FAM98A: variants seen among roughly 807,000 people sequenced by gnomAD.
FAM98A encodes protein FAM98A.
Under a neutral mutation model 62.9 loss-of-function variants are expected in FAM98A, and 25 were observed. That is an observed-to-expected ratio of 0.40 (90% CI 0.29 to 0.56). The LOEUF is 0.56. Among genes scored for constraint, FAM98A ranks in the 20% least tolerant of loss-of-function variants. The pLI, the probability that FAM98A is intolerant of heterozygous loss-of-function variation, is 0.51. For synonymous variants in FAM98A, 252 were observed against 228.6 expected, an observed-to-expected ratio of 1.10 and a Z score of -0.92; for missense variants, 653 against 640.7, an observed-to-expected ratio of 1.02 and a Z score of -0.21.
intron 1 of FAM98A, among the ~76,000 whole-genome samples, chr2:33,598,052 T>C (rs1439030992): frequency 6.6e-6 from 1 of 152,160 alleles, no homozygotes; most frequent in Non-Finnish European, 1.5e-5. Flanking sequence ...TCAGAGCAAG[T>C]TTCCAAGAAA....
intron 1 of FAM98A, among the ~76,000 whole-genome samples, chr2:33,596,963 A>T (rs13030968): frequency 0.27 from 41,268 of 151,114 alleles, 7,640 homozygotes; most frequent in African/African-American, 0.53. Context: ...CAGTTCTCAA[A>T]CCCTTTAAAA....
intron 5 of FAM98A, among the ~76,000 whole-genome samples, 175 bp downstream of exon 5, chr2:33,587,065 C>G (rs761502538): frequency 1.5e-4 from 23 of 152,148 alleles, no homozygotes. Flanking sequence ...TAATCTTACA[C>G]AAATAAAAAT....
chr2:33,594,844 A>G (rs1013871613), intron 2 of FAM98A, among the ~76,000 whole-genome samples: 1 of 152,082 alleles, frequency 6.6e-6, no homozygotes, highest in African/African-American at 2.4e-5. Context: ...CTCCTATTAT[A>G]GGTTTACCTA....
chr2:33,592,843 C>T lies in FAM98A; in HGVS notation c.203-629G>A, dbSNP rs146347678. ...ATATTCAGCTATAATCACCTACATT[C>T]CCTCCACAAATATTTCCTGTGTGTG... is the stretch of plus-strand genomic sequence containing the variant. On this transcript the variant is annotated intron_variant, in intron 2 of 7. Coordinates refer to ENST00000238823, the MANE Select transcript of FAM98A (RefSeq NM_015475.5). 2.7e-3 allele frequency among the ~76,000 whole-genome samples: 412 copies of T among 152,314 alleles called. 2 individuals carry two copies. The highest frequency in any genetic ancestry group is 0.019 in the East Asian group (100 of 5,184).
chr2:33,587,441 G>A, intron 4 of FAM98A, 121 bp from the exon 5 acceptor site: 1 of 752,750 alleles, frequency 1.3e-6, no homozygotes, highest in Non-Finnish European at 2.3e-6. Context: ...GGTGGAGGAT[G>A]TTTTGAAATG....
At chr2:33,598,487 G>C (rs1677868360) in intron 1 of FAM98A, among the ~76,000 whole-genome samples, 1 of 152,200 alleles carries the variant, frequency 6.6e-6, no homozygotes, top group Non-Finnish European at 1.5e-5. Context: ...AGGAGAAGGA[G>C]AGACACAATG....
At chr2:33,596,142 A>C (rs1677806269) in intron 1 of FAM98A, among the ~76,000 whole-genome samples, 1 of 152,188 alleles carries the variant, frequency 6.6e-6, no homozygotes, top group Admixed American at 6.5e-5. Flanking sequence ...ACAAGCCACC[A>C]AACCTGGCTT....
Position 33,588,484 on chromosome 2 carries a change from G to A in FAM98A, c.373C>T (p.Leu125Phe). ...LISELEAARM[L>F]CVNAPPKKAQ... ...TTTTTTGGAGGAGCATTCACACAGA[G>A]CATTCTGGCAGCTTCTAGTTCTGAG... The change falls in exon 4 of 8, where the codon CTC (leucine) becomes TTC (phenylalanine). Residue 125 changes from leucine to phenylalanine, a missense_variant. Coordinates refer to ENST00000238823, the MANE Select transcript of FAM98A (RefSeq NM_015475.5). 6.2e-7 allele frequency: 1 copy of A among 1,613,492 alleles called. No individual in the cohort carries two copies. The highest frequency in any genetic ancestry group is 1.1e-5 in the South Asian group (1 of 91,034).
At position 33,585,225 on chromosome 2, in the gene FAM98A, C is replaced by T; in HGVS notation, c.1108G>A (p.Gly370Ser). 2 of 1,614,098 alleles carry T rather than the reference C, an allele frequency of 1.2e-6. No individual in the cohort carries two copies. Among genetic ancestry groups the T allele is most frequent in the Non-Finnish European group, 1.7e-6 (2 of 1,180,018 alleles). The change falls in exon 8 of 8, where the codon GGC becomes AGC. Residue 370 changes from glycine to serine, a missense_variant. Gly to Ser is a moderately conservative substitution (Grantham distance 56). Transcript: ENST00000238823. Reference sequence around the variant, plus strand: ...TTATTTCCTCTTCCTCCCCCTCGGCCACCATGGTCATAGCCACCACGTCCA... The same window carrying T: ...TTATTTCCTCTTCCTCCCCCTCGGCTACCATGGTCATAGCCACCACGTCCA... The part of the protein sequence containing the change: ...RGGRGGYDHG[G>S]RGGGRGNKHQ...
intron 3 of FAM98A, chr2:33,591,854 C>T: frequency 2.6e-6 from 1 of 389,870 alleles, no homozygotes; most frequent in South Asian, 5.2e-5. Flanking sequence ...CTGAGTACCA[C>T]TGAGGCTGAA....
In FAM98A at chr2:33,585,155, C is replaced by T. The variant is rs1677513122; in HGVS notation, c.1178G>A (p.Gly393Asp). 1.9e-6 allele frequency: 3 copies of T among 1,614,042 alleles called. No homozygotes were observed. The highest frequency in any genetic ancestry group is 2.5e-6 in the Non-Finnish European group (3 of 1,180,030). Residue 393 changes from glycine to aspartate, a missense_variant, in exon 8 of 8, where the codon GGC (glycine) becomes GAC (aspartate). Gly to Asp is a moderately conservative substitution (Grantham distance 94, BLOSUM62 -1). Transcript: ENST00000238823. ...ATCTCGATAACCACCATCTTGGTAGCCACCTCCTCCACCACTCCCTCCATC... is the reference window on the plus strand; with the variant it reads ...ATCTCGATAACCACCATCTTGGTAGTCACCTCCTCCACCACTCCCTCCATC... ...WTDGGSGGGG[G>D]YQDGGYRDSG...
In FAM98A at chr2:33,584,744, T is replaced by C. The variant is rs868036303; in HGVS notation, c.*32A>G. The C allele has an allele frequency of 2.6e-6, 4 of 1,528,106 alleles. No individual in the cohort carries two copies. The highest frequency in any genetic ancestry group is 1.8e-4 in the Middle Eastern group (1 of 5,686). 94.7% of individuals were successfully genotyped at this position (1,528,106 alleles called of 1,614,324 possible). A position where few individuals can be genotyped will look rare whatever the true frequency, so the allele number is the denominator to read the frequency against. Reference sequence around the variant, plus strand: ...ATTCTGAAACTAAGTTTCTATTACTTGAGCTCTAGCAAAATGTAAGGTTCG... The same window carrying C: ...ATTCTGAAACTAAGTTTCTATTACTCGAGCTCTAGCAAAATGTAAGGTTCG... On this transcript the variant is annotated 3_prime_UTR_variant, in exon 8 of 8. Coordinates refer to ENST00000238823, the MANE Select transcript of FAM98A (RefSeq NM_015475.5).
Position 33,599,251 on chromosome 2 carries a change from T to A in FAM98A, c.-30A>T. On this transcript the variant is annotated 5_prime_UTR_variant, in exon 1 of 8. Coordinates refer to ENST00000238823, the MANE Select transcript of FAM98A (RefSeq NM_015475.5). ...CTGTGGTATTCAAATTTCCGAGTCG[T>A]CAGGCTCCCCTCTTCGCCGGCAACG... 6.3e-7 allele frequency: 1 copy of A among 1,597,790 alleles called. No individual in the cohort carries two copies. The highest frequency in any genetic ancestry group is 8.6e-7 in the Non-Finnish European group (1 of 1,165,118).
Position 33,599,284 on chromosome 2 carries a change from T to G in FAM98A, c.-63A>C, listed in dbSNP as rs1192117260. ...CCCTCTTCGCCGGCAACGCGTACAC[T>G]CGCGCATGCGCGACTTCCCCGGAAC... On this transcript the variant is annotated 5_prime_UTR_variant, in exon 1 of 8. Transcript: ENST00000238823. 1.4e-6 allele frequency: 2 copies of G among 1,388,124 alleles called. No individual in the cohort carries two copies. Among genetic ancestry groups the G allele is most frequent in the Non-Finnish European group, 2.1e-6 (2 of 973,578 alleles). 86.0% of individuals were successfully genotyped at this position (1,388,124 alleles called of 1,614,324 possible).
chr2:33,584,814 G>C lies in FAM98A; in HGVS notation c.1519C>G (p.His507Asp), dbSNP rs754171166. 6.8e-6 allele frequency: 11 copies of C among 1,613,268 alleles called. No homozygotes were observed. The highest frequency in any genetic ancestry group is 8.5e-6 in the Non-Finnish European group (10 of 1,179,496). ...HFQHGGYQYN[H>D]SGFGQGRHYT... Reference sequence around the variant, plus strand: ...TGTCTTCCCTGTCCAAATCCAGAATGATTATACTGATAACCTCCATGCTGG... The same window carrying C: ...TGTCTTCCCTGTCCAAATCCAGAATCATTATACTGATAACCTCCATGCTGG... The change falls in exon 8 of 8, where the codon CAT becomes GAT. Residue 507 changes from histidine to aspartate, a missense_variant. Coordinates refer to ENST00000238823, the MANE Select transcript of FAM98A (RefSeq NM_015475.5).
At chr2:33,595,743 A>G (rs1314503337) in intron 1 of FAM98A, 106 bp from the exon 2 acceptor site, 3 of 748,016 alleles carry the variant, frequency 4.0e-6, no homozygotes, top group Middle Eastern at 3.6e-4. Flanking sequence ...TTTAATAAAG[A>G]TAAGTTAGTA....
rs780231907 is a variant in FAM98A, at chr2:33,592,041, C to A, written c.337+39G>T. ...GTTTATTAGTCATGGAAAACATAAA[C>A]AGAAAGTAATAGCTATATTCTAGTA... is the stretch of plus-strand genomic sequence containing the variant. On this transcript the variant is annotated intron_variant, in intron 3 of 7. Coordinates refer to ENST00000238823, the MANE Select transcript of FAM98A (RefSeq NM_015475.5). The A allele has an allele frequency of 2.6e-6, 4 of 1,562,432 alleles. No homozygotes were observed. The African/African-American group carries it at 5.5e-5, about 21-fold the overall frequency.
chr2:33,595,708 T>A, intron 1 of FAM98A, 71 bp from the exon 2 acceptor site: 1 of 1,095,342 alleles, frequency 9.1e-7, no homozygotes, highest in Non-Finnish European at 1.3e-6. Context: ...AAAACATATC[T>A]ATGTCTTATT....
Position 33,584,918 on chromosome 2 carries a change from C to A in FAM98A, c.1415G>T (p.Gly472Val). 6.2e-7 allele frequency: 1 copy of A among 1,613,930 alleles called. No individual in the cohort carries two copies. Among genetic ancestry groups the A allele is most frequent in the Non-Finnish European group, 8.5e-7 (1 of 1,179,902 alleles). The change falls in exon 8 of 8, where the codon GGT becomes GTT. Residue 472 changes from glycine (G) to valine (V), a missense_variant. Coordinates refer to ENST00000238823, the MANE Select transcript of FAM98A (RefSeq NM_015475.5). The part of the protein sequence containing the change: ...GGRGGRGGRG[G>V]RAGQGGGWGG... ...CCAGCCTCCTCCCTGGCCTGCACGACCACCTCGGCCTCCACGACCACCTCG... is the reference window on the plus strand; with the variant it reads ...CCAGCCTCCTCCCTGGCCTGCACGAACACCTCGGCCTCCACGACCACCTCG...
Sources: allele counts gnomAD v4.1 joint callset (sites outside exome capture counted in the v4.1 genomes callset), GRCh38; gene constraint gnomAD v4.1.1; transcripts MANE v1.5; gene names NCBI Gene and HGNC (gene_info 2026-07-23, HGNC 2026-07-21).